Variants in GRM8 observed in about 807,000 individuals in gnomAD.
The protein encoded by GRM8 is glutamate metabotropic receptor 8, also known as metabotropic glutamate receptor 8.
GRM8 carries 47 observed loss-of-function variants against 87.2 expected under a neutral mutation model. The ratio of observed to expected loss-of-function variants is 0.54; its 90% CI spans 0.43 to 0.69. The LOEUF (loss-of-function observed/expected upper bound fraction) is 0.69, where lower values mean the gene tolerates loss of function less well. GRM8 is among the 30% of genes least tolerant of loss of function. The pLI is 0.00. For synonymous variants in GRM8, 396 were observed against 404.5 expected (o/e 0.98, Z 0.25); for missense variants, 1,019 against 1,139.2 (o/e 0.89, Z 1.52).
At chr7:126,566,093 AT>A (rs1377145804) in intron 8 of GRM8, among the ~76,000 whole-genome samples, 1 of 152,224 alleles carries the variant, frequency 6.6e-6, no homozygotes. Flanking sequence ...CTAGAAAAAA[AT>A]AGGAGAAAAT....
intron 5 of GRM8, among the ~76,000 whole-genome samples, chr7:126,903,313 T>G (rs1399542132): frequency 6.6e-6 from 1 of 152,124 alleles, no homozygotes; most frequent in African/African-American, 2.4e-5. Flanking sequence ...GAAAAGATGT[T>G]TAGAAGATAG....
chr7:127,023,277 G>T (rs974907217), intron 3 of GRM8, among the ~76,000 whole-genome samples: 1 of 151,522 alleles, frequency 6.6e-6, no homozygotes, highest in African/African-American at 2.4e-5. Flanking sequence ...TATTTTTAAG[G>T]CTTTGTTATG....
At chr7:126,998,087 T>C (rs1239299551) in intron 3 of GRM8, among the ~76,000 whole-genome samples, 1 of 151,888 alleles carries the variant, frequency 6.6e-6, no homozygotes, top group Non-Finnish European at 1.5e-5. Context: ...CATGACCAAG[T>C]GGGGTTTATC....
chr7:127,137,245 T>C (rs1563536371), intron 2 of GRM8, among the ~76,000 whole-genome samples: 1 of 151,262 alleles, frequency 6.6e-6, no homozygotes, highest in South Asian at 2.1e-4. Context: ...ACACATTCCA[T>C]ATAGTCAGGT....
intron 3 of GRM8, among the ~76,000 whole-genome samples, chr7:127,073,926 C>A (rs1821987901): frequency 6.6e-6 from 1 of 152,160 alleles, no homozygotes; most frequent in African/African-American, 2.4e-5. Flanking sequence ...CCTTGAAAAT[C>A]CTTCTACAGA....
intron 6 of GRM8, among the ~76,000 whole-genome samples, chr7:126,827,722 G>T (rs1400720028): frequency 1.3e-5 from 2 of 152,006 alleles, no homozygotes; most frequent in African/African-American, 2.4e-5. Context: ...ATGCCTAATT[G>T]CCCTGGCCAG....
intron 7 of GRM8, among the ~76,000 whole-genome samples, chr7:126,676,854 A>G (rs1041306267): frequency 1.3e-5 from 2 of 152,172 alleles, no homozygotes; most frequent in Non-Finnish European, 2.9e-5. Context: ...CGAATGCAAT[A>G]AAAAGAAATA....
chr7:126,768,544 G>T (rs549673793), intron 7 of GRM8, among the ~76,000 whole-genome samples: 8 of 151,754 alleles, frequency 5.3e-5, no homozygotes, highest in Non-Finnish European at 1.0e-4. Context: ...TTTGATCATG[G>T]TTAAGATGAA....
chr7:126,517,022 C>A (rs1236686616), intron 9 of GRM8, among the ~76,000 whole-genome samples: 1 of 151,860 alleles, frequency 6.6e-6, no homozygotes, highest in Non-Finnish European at 1.5e-5. Context: ...ATATTACGGT[C>A]ATAAAAATAA....
intron 6 of GRM8, among the ~76,000 whole-genome samples, chr7:126,805,548 T>C (rs1480629100): frequency 6.6e-6 from 1 of 152,136 alleles, no homozygotes; most frequent in Non-Finnish European, 1.5e-5. Context: ...ACTGTTTCTG[T>C]CCCTAGGTTT....
intron 7 of GRM8, among the ~76,000 whole-genome samples, chr7:126,769,438 C>G (rs1818584735): frequency 6.6e-6 from 1 of 152,030 alleles, no homozygotes; most frequent in African/African-American, 2.4e-5. Flanking sequence ...AAATATACAG[C>G]AACTCCAAGT....
At chr7:126,887,876 A>G (rs905496379) in intron 6 of GRM8, among the ~76,000 whole-genome samples, 7 of 152,082 alleles carry the variant, frequency 4.6e-5, no homozygotes, top group African/African-American at 1.7e-4. Context: ...GTCATTAGGC[A>G]GAGAACAAAA....
intron 7 of GRM8, among the ~76,000 whole-genome samples, chr7:126,627,823 A>T (rs1800849810): frequency 6.6e-6 from 1 of 152,114 alleles, no homozygotes; most frequent in South Asian, 2.1e-4. Flanking sequence ...ATATTTCTAA[A>T]TGTTGCATTA....
intron 6 of GRM8, among the ~76,000 whole-genome samples, chr7:126,879,393 A>C (rs1799830164): frequency 6.6e-6 from 1 of 152,144 alleles, no homozygotes; most frequent in African/African-American, 2.4e-5. Context: ...TTAGCTATGA[A>C]TATGCATGAT....
intron 7 of GRM8, among the ~76,000 whole-genome samples, chr7:126,660,581 T>A (rs1585412598): frequency 6.6e-6 from 1 of 152,224 alleles, no homozygotes. Context: ...GATACATGTC[T>A]ACACTTTTTA....
rs1815374851 is a variant in GRM8 at position 127,015,064 on chromosome 7, GAA to G, written c.727+91430_727+91431del. Among the ~76,000 whole-genome samples the G allele has an allele frequency of 4.5e-4, 40 of 87,924 alleles. 1 individual carries two copies. The highest frequency in any genetic ancestry group is 1.1e-3 in the African/African-American group (30 of 27,452). The allele number at this position is 87,924 out of a possible 152,430, so 57.7% of individuals were successfully genotyped here. ...AGAAGAAGAAGAAGAAGAAGAAGAA[GAA>G]GAAAGAAAGAAGGAGAAGAAGGAGA... On this transcript the variant is annotated intron_variant, in intron 3 of 10. Transcript: ENST00000339582.
chr7:126,950,505 CTCAG>C (rs1291331244), intron 3 of GRM8, among the ~76,000 whole-genome samples: 2 of 152,056 alleles, frequency 1.3e-5, no homozygotes, highest in Non-Finnish European at 2.9e-5. Flanking sequence ...CTCTCTCTCT[CTCAG>C]TATCGCTTTG....
intron 6 of GRM8, among the ~76,000 whole-genome samples, chr7:126,805,431 G>C (rs1047844215): frequency 9.9e-5 from 15 of 152,180 alleles, no homozygotes; most frequent in African/African-American, 3.6e-4. Flanking sequence ...TGATTCCCTT[G>C]CTGTAGCAAG....
At chr7:127,179,267 C>T (rs1371551795) in intron 2 of GRM8, among the ~76,000 whole-genome samples, 1 of 152,134 alleles carries the variant, frequency 6.6e-6, no homozygotes, top group African/African-American at 2.4e-5. Flanking sequence ...AGGGACATCA[C>T]ATAATGGTAA....
Sources: gnomAD v4.1 joint callset for allele counts (sites outside exome capture counted in the v4.1 genomes callset) on GRCh38, gnomAD v4.1.1 for gene constraint, MANE v1.5 for transcripts, NCBI Gene and HGNC (gene_info 2026-07-23, HGNC 2026-07-21) for gene names.